The following CNGB1 variants were observed in gnomAD, a reference collection of about 807,000 sequenced individuals.
CNGB1 encodes the protein cyclic nucleotide gated channel subunit beta 1.
Under a neutral mutation model 151.7 loss-of-function variants are expected in CNGB1, and 126 were observed. That is an observed-to-expected ratio of 0.83 (90% confidence interval 0.72 to 0.96). CNGB1 has a LOEUF of 0.96. CNGB1 is among the 40% of genes least tolerant of loss of function. CNGB1 has a pLI of 0.00. For synonymous variants in CNGB1, 623 were observed against 635.1 expected (o/e 0.98, Z 0.29); for missense variants, 1,698 against 1,627.0 (o/e 1.04, Z -0.75).
In CNGB1 at chr16:57,884,548, AC is replaced by A. The variant is rs143763330; in HGVS notation, c.3463-92del. On this transcript the variant is annotated intron_variant, in intron 32 of 32. Transcript: ENST00000251102. Reference sequence around the variant, plus strand: ...CACCTCCCTGTTCCAGCCTTTTTGGACCCCCAAAGAGGGCAGCGGAACACAC... The same window carrying A: ...CACCTCCCTGTTCCAGCCTTTTTGGACCCCAAAGAGGGCAGCGGAACACAC... The A allele has an allele frequency of 1.3e-3, 1,805 of 1,436,698 alleles. 22 individuals carry two copies. In the African/African-American group the frequency reaches 0.023, roughly 18 times the overall value. 89.0% of individuals were successfully genotyped at this position (1,436,698 alleles called of 1,614,324 possible).
chr16:57,908,285 A>G (rs1960610961), intron 25 of CNGB1, among the ~76,000 whole-genome samples: 1 of 152,240 alleles, frequency 6.6e-6, no homozygotes, highest in South Asian at 2.1e-4. Flanking sequence ...TGGGGCATCT[A>G]TACTGGGAGG....
At chr16:57,888,109 G>A (rs762303235) in intron 31 of CNGB1, 35 bp from the exon 32 acceptor site, 50 of 1,593,718 alleles carry the variant, frequency 3.1e-5, no homozygotes, top group East Asian at 8.9e-5. Flanking sequence ...CATCACAGAC[G>A]CACTCTGGGG....
At chr16:57,905,674 C>G (rs960073800) in intron 25 of CNGB1, among the ~76,000 whole-genome samples, 6 of 152,364 alleles carry the variant, frequency 3.9e-5, no homozygotes, top group Admixed American at 1.3e-4. Flanking sequence ...AGGGCTTTGC[C>G]CTCATGAATA....
intron 18 of CNGB1, among the ~76,000 whole-genome samples, chr16:57,921,490 G>A (rs1961035055): frequency 6.6e-6 from 1 of 152,092 alleles, no homozygotes; most frequent in Non-Finnish European, 1.5e-5. Flanking sequence ...TGAAAGTGCT[G>A]GGATTGCAGG....
chr16:57,913,076 G>C, intron 23 of CNGB1, 82 bp from the exon 24 acceptor site: 1 of 1,309,810 alleles, frequency 7.6e-7, no homozygotes, highest in Admixed American at 1.7e-5. Context: ...CCGAGACTCA[G>C]GGCTCTTCCT....
chr16:57,934,335 G>A (rs1283224092), intron 16 of CNGB1, among the ~76,000 whole-genome samples: 1 of 152,202 alleles, frequency 6.6e-6, no homozygotes, highest in Non-Finnish European at 1.5e-5. Flanking sequence ...TTGGGAGGCT[G>A]AGGTTGGAGG....
At position 57,926,981 on chromosome 16, in the gene CNGB1, T is replaced by TCAAAA. The variant is rs1462568238; in HGVS notation, c.1536-3606_1536-3602dup. On this transcript the variant is annotated intron_variant, in intron 17 of 32. Coordinates refer to ENST00000251102, the MANE Select transcript of CNGB1 (RefSeq NM_001297.5). ...CAGGCAACAAGAGCACAACTCTATC[T>TCAAAA]CAAAACAAAACAAAACAAAATAAAA... is the stretch of plus-strand genomic sequence containing the variant. Among the ~76,000 whole-genome samples, 8 of 151,984 alleles carry TCAAAA rather than the reference T, an allele frequency of 5.3e-5. No homozygotes were observed. In the South Asian group the frequency reaches 1.0e-3, roughly 20 times the overall value.
intron 14 of CNGB1, among the ~76,000 whole-genome samples, chr16:57,945,521 C>G (rs949650496): frequency 1.3e-5 from 2 of 152,228 alleles, no homozygotes; most frequent in Non-Finnish European, 2.9e-5. Context: ...GCAGGATTTG[C>G]CTGGCCTGTG....
intron 18 of CNGB1, chr16:57,922,968 C>A: frequency 3.2e-6 from 1 of 311,986 alleles, no homozygotes. Flanking sequence ...GCAGCAGGAG[C>A]CCTGCAGGCA....
At chr16:57,967,065 C>T in intron 2 of CNGB1, 63 bp downstream of exon 2, 1 of 1,611,490 alleles carries the variant, frequency 6.2e-7, no homozygotes, top group Non-Finnish European at 8.5e-7. Flanking sequence ...GAGCAGATGG[C>T]CCAAACTGGG....
chr16:57,931,673 G>A, intron 17 of CNGB1, 43 bp downstream of exon 17: 1 of 1,606,852 alleles, frequency 6.2e-7, no homozygotes, highest in Non-Finnish European at 8.5e-7. Flanking sequence ...ATAAACAGGT[G>A]GCACAGTGCC....
chr16:57,950,291 T>G (rs1380971658), intron 13 of CNGB1, 90 bp downstream of exon 13: 1 of 1,504,526 alleles, frequency 6.6e-7, no homozygotes, highest in Non-Finnish European at 9.2e-7. Context: ...GTTCCTGCTC[T>G]GTGCCTTTTC....
chr16:57,901,454 G>T lies in CNGB1; in HGVS notation c.2893-19C>A. ...CACAGCCCTGTCCCGGTGAGGAAGG[G>T]AAAGGAACTTTTTAGAGAAGATTGG... On this transcript the variant is annotated intron_variant, in intron 28 of 32. Coordinates refer to ENST00000251102, the MANE Select transcript of CNGB1 (RefSeq NM_001297.5). The T allele has an allele frequency of 6.2e-7, 1 of 1,614,162 alleles. No homozygotes were observed. Among genetic ancestry groups the T allele is most frequent in the South Asian group, 1.1e-5 (1 of 91,088 alleles).
At chr16:57,941,118 A>G (rs1961656702) in intron 14 of CNGB1, among the ~76,000 whole-genome samples, 1 of 152,202 alleles carries the variant, frequency 6.6e-6, no homozygotes, top group Admixed American at 6.5e-5. Flanking sequence ...AATTCAAATT[A>G]ATATATCTTT....
intron 2 of CNGB1, among the ~76,000 whole-genome samples, chr16:57,965,488 C>T (rs560620030): frequency 1.3e-5 from 2 of 152,252 alleles, no homozygotes; most frequent in South Asian, 2.1e-4. Flanking sequence ...TATGAGTATA[C>T]ACACATATGC....
At chr16:57,961,343 T>C (rs867098242) in intron 7 of CNGB1, among the ~76,000 whole-genome samples, 1 of 152,234 alleles carries the variant, frequency 6.6e-6, no homozygotes, top group Non-Finnish European at 1.5e-5. Flanking sequence ...TTAAACAAAC[T>C]TTTAAGGGGC....
chr16:57,889,667 TC>T (rs1238287131), intron 31 of CNGB1, among the ~76,000 whole-genome samples: 1 of 152,148 alleles, frequency 6.6e-6, no homozygotes, highest in Non-Finnish European at 1.5e-5. Context: ...CTCACAACAA[TC>T]CCCATAAGTA....
rs1960338298 is a variant in CNGB1, at chr16:57,899,853, G to T, written c.2976+1499C>A. On this transcript the variant is annotated intron_variant, in intron 29 of 32. Coordinates refer to ENST00000251102, the MANE Select transcript of CNGB1 (RefSeq NM_001297.5). ...GAAGGGACCCTCACCTCAGTAACCA[G>T]TCCCCGGGGTGTCTCAGAGAGATCG... Among the ~76,000 whole-genome samples the T allele has an allele frequency of 2.0e-5, 3 of 152,146 alleles. No homozygotes were observed. The East Asian group carries it at 5.8e-4, about 29-fold the overall frequency.
intron 1 of CNGB1, among the ~76,000 whole-genome samples, chr16:57,970,387 C>T (rs1387621083): frequency 6.6e-6 from 1 of 152,158 alleles, no homozygotes; most frequent in Non-Finnish European, 1.5e-5. Context: ...AGCCCCTGCA[C>T]TCAGTAAAAT....
Sources: allele counts gnomAD v4.1 joint callset (sites outside exome capture counted in the v4.1 genomes callset), GRCh38; gene constraint gnomAD v4.1.1; transcripts MANE v1.5; gene names NCBI Gene and HGNC (gene_info 2026-07-23, HGNC 2026-07-21).